The following COL6A5 variants were observed in gnomAD, a reference collection of about 807,000 sequenced individuals.
The protein encoded by COL6A5 is collagen type VI alpha 5 chain.
Under a neutral mutation model 65.6 loss-of-function variants are expected in COL6A5, and 48 were observed. The observed-to-expected ratio is 0.73, with a 90% CI of 0.58 to 0.93. COL6A5 has a LOEUF of 0.93. Among genes scored for constraint, COL6A5 ranks in the 40% least tolerant of loss-of-function variants. The pLI, the probability that COL6A5 is intolerant of heterozygous loss-of-function variation, is 0.00. For missense variants in COL6A5, 914 were observed against 928.3 expected, an observed-to-expected ratio of 0.98 and a Z score of 0.20; for synonymous variants, 291 against 322.8, an observed-to-expected ratio of 0.90 and a Z score of 1.05.
In COL6A5 at chr3:130,415,668, A is replaced by G. The variant is rs773420472; in HGVS notation, c.4785A>G (p.Arg1595=). ...AGGGGTCACAGGGAAATCCTGGCAG[A>G]AAAGGAGAAAAAGGAAGCCAGGGGC... The change falls in exon 23 of 42, where the codon AGA becomes AGG. Residue 1595 remains arginine, a synonymous_variant and NMD_transcript_variant. Transcript: ENST00000312481. 4.5e-5 allele frequency: 70 copies of G among 1,548,872 alleles called. No individual in the cohort carries two copies. In the Middle Eastern group the frequency reaches 1.0e-3, roughly 22 times the overall value.
intron 5 of COL6A5, among the ~76,000 whole-genome samples, chr3:130,458,982 G>A (rs148517913): frequency 7.2e-5 from 11 of 152,150 alleles, no homozygotes; most frequent in African/African-American, 2.6e-4. Context: ...TAGCACTTTC[G>A]CCAAAGATGC....
At chr3:130,429,530 G>A, upstream of COL6A5, 1 of 1,524,362 alleles carries the variant, frequency 6.6e-7, no homozygotes, top group African/African-American at 1.4e-5. Context: ...TTTTAGTCTT[G>A]TTTCAAGAAG....
intron 1 of COL6A5, among the ~76,000 whole-genome samples, chr3:130,356,551 G>A (rs1163006576): frequency 6.6e-6 from 1 of 150,486 alleles, no homozygotes; most frequent in Non-Finnish European, 1.5e-5. Context: ...AATTACTTTT[G>A]CACCGACCTA....
At chr3:130,483,732 T>A (rs1710309236) in intron 7 of COL6A5, among the ~76,000 whole-genome samples, 1 of 152,178 alleles carries the variant, frequency 6.6e-6, no homozygotes, top group Non-Finnish European at 1.5e-5. Flanking sequence ...TGATATTGTC[T>A]ATTGCACACC....
In COL6A5 at chr3:130,374,971, G is replaced by C. The variant is rs80153586; in HGVS notation, c.67+1266G>C. Among the ~76,000 whole-genome samples, 1,384 of 152,284 alleles carry C rather than the reference G, an allele frequency of 9.1e-3. 6 individuals carry two copies. The highest frequency in any genetic ancestry group is 0.054 in the South Asian group (262 of 4,824). The stretch of plus-strand genomic sequence containing the variant: ...ATCATTCAAAGAAGTATTTTAAACT[G>C]TGCATTGTCACTGTGTTACTCTAAG... On this transcript the variant is annotated intron_variant and NMD_transcript_variant, in intron 2 of 41. Transcript: ENST00000312481.
chr3:130,350,986 C>A (rs994185164), intron 1 of COL6A5, among the ~76,000 whole-genome samples: 4 of 152,144 alleles, frequency 2.6e-5, no homozygotes, highest in Admixed American at 6.5e-5. Flanking sequence ...TGGAACAGAA[C>A]AGAGTCCTCA....
rs537387146 is a variant in COL6A5, at chr3:130,405,139, C to T, written c.4282-449C>T. ...CTGGCTTTTCTCACCTTTGCTTTCT[C>T]ATTCTCCTAGTAGTGTCACTTCCCA... On this transcript the variant is annotated intron_variant and NMD_transcript_variant, in intron 13 of 41. Transcript: ENST00000312481. Among the ~76,000 whole-genome samples, 4 of 152,312 alleles carry T rather than the reference C, an allele frequency of 2.6e-5. No homozygotes were observed. In the South Asian group the frequency reaches 8.3e-4, roughly 32 times the overall value.
At chr3:130,418,736 A>G (rs1054027402) in intron 24 of COL6A5, 133 bp from the exon 25 acceptor site, 5 of 698,770 alleles carry the variant, frequency 7.2e-6, no homozygotes, top group Non-Finnish European at 1.0e-5. Context: ...TTTGTGCCCT[A>G]CACTCATCCC....
intron 5 of COL6A5, among the ~76,000 whole-genome samples, chr3:130,458,414 C>G (rs924576641): frequency 2.6e-5 from 4 of 152,082 alleles, no homozygotes; most frequent in African/African-American, 9.7e-5. Flanking sequence ...AAGTGTTGTT[C>G]CTACACAAGC....
intron 17 of COL6A5, among the ~76,000 whole-genome samples, chr3:130,409,028 A>G (rs773151047): frequency 2.3e-4 from 35 of 152,174 alleles, no homozygotes; most frequent in Non-Finnish European, 2.6e-4. Flanking sequence ...CATATGGCTA[A>G]TGGCTACCGT....
chr3:130,361,156 T>C (rs1935091346), intron 1 of COL6A5, among the ~76,000 whole-genome samples: 1 of 152,060 alleles, frequency 6.6e-6, no homozygotes, highest in Non-Finnish European at 1.5e-5. Context: ...ATTTGGTGAA[T>C]TTTGGCAAAT....
At chr3:130,438,373 A>G (rs1709088750) in intron 1 of COL6A5, among the ~76,000 whole-genome samples, 1 of 152,142 alleles carries the variant, frequency 6.6e-6, no homozygotes, top group Admixed American at 6.6e-5. Flanking sequence ...GTAGGCATTC[A>G]ATAAATATTT....
At chr3:130,405,074 A>G (rs1274612909) in intron 13 of COL6A5, among the ~76,000 whole-genome samples, 1 of 152,218 alleles carries the variant, frequency 6.6e-6, no homozygotes, top group African/African-American at 2.4e-5. Flanking sequence ...GGATAGTCTG[A>G]CTTTGGGGGT....
At chr3:130,380,788 G>C (rs1399118791) in intron 4 of COL6A5, among the ~76,000 whole-genome samples, 1 of 152,234 alleles carries the variant, frequency 6.6e-6, no homozygotes, top group Middle Eastern at 3.4e-3. Context: ...CTATATTTGG[G>C]TGTGACCAAC....
intron 1 of COL6A5, among the ~76,000 whole-genome samples, chr3:130,439,223 GC>G (rs74792414): frequency 0.037 from 5,671 of 152,090 alleles, 247 homozygotes; most frequent in East Asian, 0.1. Flanking sequence ...TTTAATACTT[GC>G]CCCAGTGAGT....
At chr3:130,403,949 A>C (rs1936901762) in intron 13 of COL6A5, among the ~76,000 whole-genome samples, 1 of 152,038 alleles carries the variant, frequency 6.6e-6, no homozygotes, top group Non-Finnish European at 1.5e-5. Context: ...GTAAGGAGGG[A>C]ACAGGCTTAC....
chr3:130,395,680 GA>G, intron 8 of COL6A5, among the ~76,000 whole-genome samples: 1 of 152,342 alleles, frequency 6.6e-6, no homozygotes, highest in Non-Finnish European at 1.5e-5. Context: ...GCAGAGGCTA[GA>G]GGGGACCCCT....
chr3:130,431,849 G>C, exon 1 of COL6A5: 1 of 1,551,660 alleles, frequency 6.4e-7, no homozygotes, highest in African/African-American at 1.4e-5. Context: ...CAAACAGCCA[G>C]TAGGTCATCC....
At chr3:130,453,633 A>C (rs1709500429) in intron 4 of COL6A5, among the ~76,000 whole-genome samples, 1 of 152,200 alleles carries the variant, frequency 6.6e-6, no homozygotes, top group Admixed American at 6.5e-5. Flanking sequence ...AGTCTGAATG[A>C]ATCTTTGCCC....
Sources: allele counts gnomAD v4.1 joint callset (sites outside exome capture counted in the v4.1 genomes callset), GRCh38; gene constraint gnomAD v4.1.1; transcripts MANE v1.5; gene names NCBI Gene and HGNC (gene_info 2026-07-23, HGNC 2026-07-21).